HDHD2: variants seen among roughly 807,000 people sequenced by gnomAD.
HDHD2 encodes the protein haloacid dehalogenase-like hydrolase domain-containing protein 2.
In HDHD2, 26 loss-of-function variants were observed where a neutral mutation model predicts 24.8. The observed-to-expected ratio is 1.05, with a 90% CI of 0.77 to 1.45. The LOEUF (loss-of-function observed/expected upper bound fraction) is 1.45, where lower values mean the gene tolerates loss of function less well. HDHD2 is among the 40% of genes most tolerant of loss of function. HDHD2 has a pLI of 0.00. For synonymous variants in HDHD2, 128 were observed against 114.9 expected, an observed-to-expected ratio of 1.11 and a Z score of -0.73; for missense variants, 299 against 313.4, an observed-to-expected ratio of 0.95 and a Z score of 0.35.
At position 47,108,064 on chromosome 18, in the gene HDHD2, A is replaced by T. The variant is rs1003314774; in HGVS notation, c.*618T>A. 3 of 152,676 alleles carry T rather than the reference A, an allele frequency of 2.0e-5. No individual in the cohort carries two copies. Among genetic ancestry groups the T allele is most frequent in the Non-Finnish European group, 4.4e-5 (3 of 68,050 alleles). The allele number at this position is 152,676 out of a possible 1,614,324, so 9.5% of individuals were successfully genotyped here. On this transcript the variant is annotated 3_prime_UTR_variant, in exon 7 of 7. Transcript: ENST00000300605. ...AAATTAAAATCTGGTTCTAAATTTA[A>T]ATTAGTCATCTCTGGCTAATGAAGA...
chr18:47,114,885 ATATG>A (rs2063545067), intron 5 of HDHD2, among the ~76,000 whole-genome samples: 1 of 151,622 alleles, frequency 6.6e-6, no homozygotes, highest in African/African-American at 2.4e-5. Context: ...CTACATATAT[ATATG>A]TATCATAACA....
chr18:47,137,594 T>A (rs1012600404), intron 1 of HDHD2, among the ~76,000 whole-genome samples: 5 of 152,216 alleles, frequency 3.3e-5, no homozygotes, highest in African/African-American at 1.2e-4. Flanking sequence ...ATTAGTGGCA[T>A]GTTCATTCAG....
At chr18:47,138,324 G>T (rs2063787299) in intron 1 of HDHD2, among the ~76,000 whole-genome samples, 1 of 151,984 alleles carries the variant, frequency 6.6e-6, no homozygotes, top group African/African-American at 2.4e-5. Flanking sequence ...ACCTGTGCAG[G>T]ATTCCTACTT....
At chr18:47,141,645 T>C (rs969104194) in intron 1 of HDHD2, among the ~76,000 whole-genome samples, 1 of 122,030 alleles carries the variant, frequency 8.2e-6, no homozygotes, top group Non-Finnish European at 1.9e-5. Context: ...TACTATGTCA[T>C]TTAGTTTGTT....
intron 3 of HDHD2, among the ~76,000 whole-genome samples, chr18:47,133,556 ACT>A (rs1484464170): frequency 2.0e-5 from 3 of 150,026 alleles, no homozygotes; most frequent in African/African-American, 4.9e-5. Context: ...GAATCGCCAC[ACT>A]GTCTTCCACA....
intron 1 of HDHD2, among the ~76,000 whole-genome samples, chr18:47,143,843 G>C (rs965248690): frequency 6.6e-6 from 1 of 152,128 alleles, no homozygotes; most frequent in African/African-American, 2.4e-5. Flanking sequence ...TACTAGCTCA[G>C]AAAGCAATTC....
chr18:47,130,787 G>A (rs2063706450), intron 3 of HDHD2, among the ~76,000 whole-genome samples: 1 of 152,154 alleles, frequency 6.6e-6, no homozygotes, highest in Non-Finnish European at 1.5e-5. Flanking sequence ...TGACACAACT[G>A]AGGTTAACAC....
intron 6 of HDHD2, 152 bp downstream of exon 6, chr18:47,112,825 T>C (rs959531654): frequency 7.8e-6 from 5 of 638,380 alleles, no homozygotes; most frequent in African/African-American, 5.5e-5. Flanking sequence ...TCCCAATTGT[T>C]TCCTATAATC....
chr18:47,116,815 C>T (rs556455052), intron 4 of HDHD2, among the ~76,000 whole-genome samples: 1 of 152,298 alleles, frequency 6.6e-6, no homozygotes, highest in South Asian at 2.1e-4. Context: ...AAATTGCTTT[C>T]CACTTATATA....
intron 4 of HDHD2, among the ~76,000 whole-genome samples, chr18:47,123,861 A>G (rs1337418288): frequency 6.6e-6 from 1 of 152,250 alleles, no homozygotes; most frequent in African/African-American, 2.4e-5. Context: ...GTGACTTCAA[A>G]GTTGATTTCA....
At chr18:47,112,507 A>T (rs1265448339) in intron 6 of HDHD2, among the ~76,000 whole-genome samples, 5 of 152,228 alleles carry the variant, frequency 3.3e-5, no homozygotes, top group Non-Finnish European at 1.5e-5. Context: ...TGCTCACCAC[A>T]AACGGTAAGT....
intron 4 of HDHD2, among the ~76,000 whole-genome samples, chr18:47,125,323 T>A (rs559999010): frequency 6.6e-6 from 1 of 152,328 alleles, no homozygotes; most frequent in Non-Finnish European, 1.5e-5. Context: ...TTTGGAAAAC[T>A]GTTTGGCGAT....
chr18:47,134,705 C>T lies in HDHD2; in HGVS notation c.102-1G>A. On this transcript the variant is annotated splice_acceptor_variant, in intron 2 of 6. Transcript: ENST00000300605. LOFTEE classifies it high-confidence loss of function. ...AATGATTACAGAAGCACCACGTAAC[C>T]TGGAGAGGGCCAAATTCAGAAGTCA... The T allele has an allele frequency of 1.2e-6, 2 of 1,612,180 alleles. No individual in the cohort carries two copies. The highest frequency in any genetic ancestry group is 1.7e-6 in the Non-Finnish European group (2 of 1,178,792).
At chr18:47,148,280 C>G (rs1226358440) in intron 1 of HDHD2, among the ~76,000 whole-genome samples, 1 of 152,122 alleles carries the variant, frequency 6.6e-6, no homozygotes, top group Non-Finnish European at 1.5e-5. Flanking sequence ...TATGAGCCAC[C>G]AAGCCTTGTC....
intron 4 of HDHD2, among the ~76,000 whole-genome samples, chr18:47,119,669 A>G (rs1238651918): frequency 6.6e-6 from 1 of 152,222 alleles, no homozygotes; most frequent in Non-Finnish European, 1.5e-5. Flanking sequence ...TGATGTTGAC[A>G]TTTTGACCTT....
At chr18:47,118,072 T>A (rs968654942) in intron 4 of HDHD2, among the ~76,000 whole-genome samples, 1 of 152,072 alleles carries the variant, frequency 6.6e-6, no homozygotes, top group Non-Finnish European at 1.5e-5. Flanking sequence ...TTTCTGGCTA[T>A]AAATTCCATG....
At chr18:47,146,603 A>C (rs968586741) in intron 1 of HDHD2, among the ~76,000 whole-genome samples, 4 of 152,232 alleles carry the variant, frequency 2.6e-5, no homozygotes, top group African/African-American at 9.7e-5. Context: ...AATGTCCATC[A>C]ACAACAGAAT....
chr18:47,128,204 C>A (rs1046036330), intron 4 of HDHD2, among the ~76,000 whole-genome samples: 1 of 152,130 alleles, frequency 6.6e-6, no homozygotes, highest in Non-Finnish European at 1.5e-5. Context: ...AGACAGCATC[C>A]GAGCAATTAC....
chr18:47,137,937 C>T lies in HDHD2; in HGVS notation c.-10-1488G>A, dbSNP rs183860877. ...CTTAGCACTTTTGGGAAGGCCGACG[C>T]GGGCGGATCACTTGAGGTCAGGAGT... On this transcript the variant is annotated intron_variant, in intron 1 of 6. Transcript: ENST00000300605. Among the ~76,000 whole-genome samples, 151 of 151,144 alleles carry T rather than the reference C, an allele frequency of 1.0e-3. 1 individual carries two copies. The highest frequency in any genetic ancestry group is 1.5e-3 in the Admixed American group (23 of 15,212).
Sources: allele counts gnomAD v4.1 joint callset (sites outside exome capture counted in the v4.1 genomes callset), GRCh38; gene constraint gnomAD v4.1.1; transcripts MANE v1.5; gene names NCBI Gene and HGNC (gene_info 2026-07-23, HGNC 2026-07-21).